The following DLGAP2 variants were observed in gnomAD, a reference collection of about 807,000 sequenced individuals.
DLGAP2 encodes DLG associated protein 2, also known as disks large-associated protein 2.
In DLGAP2, 26 loss-of-function variants were observed where a neutral mutation model predicts 100.3. The ratio of observed to expected loss-of-function variants is 0.26; its 90% CI spans 0.19 to 0.36. The LOEUF is 0.36. DLGAP2 is among the 10% of genes least tolerant of loss of function. The pLI is 1.00. For synonymous variants in DLGAP2, 886 were observed against 630.1 expected, an observed-to-expected ratio of 1.41 and a Z score of -6.08; for missense variants, 1,858 against 1,453.2, an observed-to-expected ratio of 1.28 and a Z score of -4.53.
chr8:942,479 A>C (rs1056459844), intron 2 of DLGAP2, among the ~76,000 whole-genome samples: 9 of 152,132 alleles, frequency 5.9e-5, no homozygotes, highest in Admixed American at 5.9e-4. Context: ...GAACAGCCAA[A>C]ATCCATCTCC....
intron 1 of DLGAP2, among the ~76,000 whole-genome samples, chr8:822,499 T>C (rs1335783815): frequency 3.3e-5 from 5 of 152,218 alleles, no homozygotes; most frequent in African/African-American, 4.8e-5. Flanking sequence ...TCTGCTGTTA[T>C]CATTGGCAGT....
intron 2 of DLGAP2, among the ~76,000 whole-genome samples, chr8:1,039,748 T>G (rs1316382100): frequency 2.4e-5 from 3 of 125,824 alleles, no homozygotes; most frequent in Non-Finnish European, 4.9e-5. Flanking sequence ...TCAGCTCGGT[T>G]TCTGTAGTCG....
At chr8:1,344,176 GCTGTCGTGGGTCCGTGTACTCGGGGCC>G (rs1219456104) in intron 3 of DLGAP2, among the ~76,000 whole-genome samples, 3 of 31,388 alleles carry the variant, frequency 9.6e-5, no homozygotes, top group African/African-American at 2.5e-4. Flanking sequence ...TACTCGGGGC[GCTGTCGTGGGTCCGTGTACTCGGGGCC>G]CTGTCGTGGG....
chr8:742,228 A>G (rs1388535493), intron 1 of DLGAP2, among the ~76,000 whole-genome samples: 1 of 152,232 alleles, frequency 6.6e-6, no homozygotes, highest in Non-Finnish European at 1.5e-5. Flanking sequence ...TATATGGTAC[A>G]TCGTGTGTAT....
At chr8:1,351,459 T>C (rs373745069) in intron 3 of DLGAP2, among the ~76,000 whole-genome samples, 2 of 40,440 alleles carry the variant, frequency 4.9e-5, no homozygotes, top group Non-Finnish European at 5.1e-5. Context: ...CCTGACTGTG[T>C]GTGGAAAGGC....
chr8:1,531,734 G>A (rs144025000), intron 4 of DLGAP2, among the ~76,000 whole-genome samples: 131 of 152,230 alleles, frequency 8.6e-4, no homozygotes, highest in African/African-American at 2.9e-3. Flanking sequence ...TGTGGTCTTG[G>A]TGTGTGCATA....
At chr8:990,314 C>G (rs1433293808) in intron 2 of DLGAP2, among the ~76,000 whole-genome samples, 1 of 146,844 alleles carries the variant, frequency 6.8e-6, no homozygotes, top group Non-Finnish European at 1.5e-5. Context: ...GGCCCAGACC[C>G]CCTGCACCCC....
chr8:1,211,745 C>G (rs886316756), intron 2 of DLGAP2, among the ~76,000 whole-genome samples: 10 of 152,178 alleles, frequency 6.6e-5, no homozygotes, highest in Non-Finnish European at 1.3e-4. Context: ...CGTGGTAGCC[C>G]ATGCCTGTAA....
intron 6 of DLGAP2, among the ~76,000 whole-genome samples, chr8:1,605,056 T>C (rs1796751801): frequency 6.6e-6 from 1 of 151,526 alleles, no homozygotes; most frequent in Non-Finnish European, 1.5e-5. Context: ...CACACCACCC[T>C]GCAGCCAACC....
intron 3 of DLGAP2, among the ~76,000 whole-genome samples, chr8:1,458,015 A>ATATATATATATATAT (rs1452643912): frequency 2.4e-5 from 2 of 82,240 alleles, no homozygotes; most frequent in Admixed American, 1.3e-4. Context: ...TATATATATA[A>ATATATATATATATAT]TTTTTTATAT....
chr8:768,456 G>T (rs1585842376), intron 1 of DLGAP2, among the ~76,000 whole-genome samples: 1 of 111,832 alleles, frequency 8.9e-6, no homozygotes, highest in Admixed American at 1.3e-4. Context: ...CATGAATCTT[G>T]CTCTGTCTCC....
intron 2 of DLGAP2, among the ~76,000 whole-genome samples, chr8:1,107,063 C>T (rs1804798333): frequency 1.3e-5 from 2 of 152,226 alleles, no homozygotes; most frequent in South Asian, 4.2e-4. Flanking sequence ...AATGCATTTC[C>T]CATTCTAACA....
At chr8:902,499 G>A (rs1798273570) in intron 1 of DLGAP2, among the ~76,000 whole-genome samples, 1 of 146,404 alleles carries the variant, frequency 6.8e-6, no homozygotes, top group Non-Finnish European at 1.5e-5. Flanking sequence ...GAGGCGCTGG[G>A]TGCCCTGCGT....
chr8:907,821 C>A, intron 1 of DLGAP2, 91 bp from the exon 2 acceptor site: 1 of 397,142 alleles, frequency 2.5e-6, no homozygotes, highest in Non-Finnish European at 4.4e-6. Flanking sequence ...ATTGAACTAC[C>A]TTATTAGAAG....
At chr8:1,007,503 C>G (rs112124066) in intron 2 of DLGAP2, among the ~76,000 whole-genome samples, 14 of 152,188 alleles carry the variant, frequency 9.2e-5, no homozygotes, top group African/African-American at 3.1e-4. Context: ...AGATGTGTCT[C>G]TAACTAAATC....
At chr8:1,102,139 G>T (rs1804605362) in intron 2 of DLGAP2, among the ~76,000 whole-genome samples, 1 of 150,136 alleles carries the variant, frequency 6.7e-6, no homozygotes. Flanking sequence ...ATATAAATTA[G>T]TAAAAGCTTA....
At chr8:1,267,776 G>A (rs562973397) in intron 3 of DLGAP2, among the ~76,000 whole-genome samples, 2 of 151,960 alleles carry the variant, frequency 1.3e-5, no homozygotes, top group Non-Finnish European at 2.9e-5. Flanking sequence ...CTCTGCAGAT[G>A]TCTGTTGGGG....
At chr8:1,164,340 G>GCC (rs141538072) in intron 2 of DLGAP2, among the ~76,000 whole-genome samples, 1,405 of 52,974 alleles carry the variant, frequency 0.027, 65 homozygotes, top group Admixed American at 0.046. Context: ...TTTTCTGTGA[G>GCC]CCCGCAGGGC....
At chr8:1,647,466 G>C (rs1437042366) in intron 8 of DLGAP2, among the ~76,000 whole-genome samples, 10 of 115,198 alleles carry the variant, frequency 8.7e-5, no homozygotes, top group African/African-American at 2.9e-4. Flanking sequence ...TCCAGCCTGG[G>C]AGACAGAGAG....
Sources: gnomAD v4.1 joint callset for allele counts (sites outside exome capture counted in the v4.1 genomes callset) on GRCh38, gnomAD v4.1.1 for gene constraint, MANE v1.5 for transcripts, NCBI Gene and HGNC (gene_info 2026-07-23, HGNC 2026-07-21) for gene names.